The following TMEM178B variants were observed in gnomAD, a reference collection of about 807,000 sequenced individuals.
TMEM178B encodes the protein transmembrane protein 178B.
Under a neutral mutation model 31.0 loss-of-function variants are expected in TMEM178B, and 5 were observed. The observed-to-expected ratio is 0.16, with a 90% CI of 0.08 to 0.34. The LOEUF is 0.34. Ranked by LOEUF, TMEM178B falls within the 10% of genes least tolerant of loss-of-function variation. TMEM178B has a pLI of 1.00. For missense variants in TMEM178B, 275 were observed against 400.3 expected (o/e 0.69, Z 2.67); for synonymous variants, 164 against 164.0 (o/e 1.00, Z 0.00).
intron 1 of TMEM178B, among the ~76,000 whole-genome samples, chr7:141,105,671 G>A (rs1175954947): frequency 6.6e-6 from 1 of 152,138 alleles, no homozygotes; most frequent in East Asian, 1.9e-4. Flanking sequence ...AGATGTTAGG[G>A]GAAAACCTAA....
intron 1 of TMEM178B, among the ~76,000 whole-genome samples, chr7:141,096,585 G>C (rs369601269): frequency 1.3e-5 from 2 of 152,168 alleles, no homozygotes; most frequent in African/African-American, 4.8e-5. Context: ...CCATGTGGAG[G>C]TTCCTAGAAG....
chr7:141,487,098 T>G, the TMEM178B span, among the ~76,000 whole-genome samples: 1 of 152,138 alleles, frequency 6.6e-6, no homozygotes, highest in Admixed American at 6.5e-5. Flanking sequence ...TCGCTGCAAC[T>G]TCATGCCAAC....
chr7:141,213,584 A>G (rs1165981184), intron 2 of TMEM178B, among the ~76,000 whole-genome samples: 1 of 152,200 alleles, frequency 6.6e-6, no homozygotes, highest in Non-Finnish European at 1.5e-5. Context: ...GGATTCTTTT[A>G]TTCCTGACAG....
At chr7:141,489,345 G>GC in the TMEM178B span, among the ~76,000 whole-genome samples, 2 of 152,030 alleles carry the variant, frequency 1.3e-5, no homozygotes, top group African/African-American at 2.4e-5. Flanking sequence ...TTTTCATTTT[G>GC]CCCCCCTTTG....
chr7:141,502,331 A>G, the TMEM178B span, among the ~76,000 whole-genome samples: 1 of 136,428 alleles, frequency 7.3e-6, no homozygotes, highest in Non-Finnish European at 1.5e-5. Flanking sequence ...GATGGTGTCC[A>G]TAGAACAGAG....
chr7:141,197,123 G>A (rs1013240878), intron 1 of TMEM178B, among the ~76,000 whole-genome samples: 4 of 152,208 alleles, frequency 2.6e-5, no homozygotes, highest in African/African-American at 9.7e-5. Flanking sequence ...TGGTGCCATA[G>A]TATAACAATA....
At chr7:141,109,115 A>T (rs1178940932) in intron 1 of TMEM178B, among the ~76,000 whole-genome samples, 1 of 152,170 alleles carries the variant, frequency 6.6e-6, no homozygotes, top group Non-Finnish European at 1.5e-5. Flanking sequence ...CTCCCACAAC[A>T]TGTGGGAATT....
intron 2 of TMEM178B, among the ~76,000 whole-genome samples, chr7:141,290,297 G>A (rs986364553): frequency 2.6e-5 from 4 of 152,182 alleles, no homozygotes; most frequent in Non-Finnish European, 5.9e-5. Context: ...AGTGTGAATG[G>A]TCACTTAGAA....
At chr7:141,142,851 C>T (rs1246200562) in intron 1 of TMEM178B, among the ~76,000 whole-genome samples, 2 of 152,328 alleles carry the variant, frequency 1.3e-5, no homozygotes, top group East Asian at 3.9e-4. Flanking sequence ...AATGTATAAG[C>T]ATTGTCTTTT....
rs578064758 is a variant in TMEM178B at position 141,297,546 on chromosome 7, C to A, written c.496+84842C>A. Among the ~76,000 whole-genome samples the A allele has an allele frequency of 5.3e-5, 8 of 152,258 alleles. No individual in the cohort carries two copies. In the East Asian group the frequency reaches 1.5e-3, roughly 29 times the overall value. On this transcript the variant is annotated intron_variant, in intron 2 of 3. Transcript: ENST00000565468. ...AACAGGCCCCAGTGTGTGATGTTCC[C>A]CACTCTGTGTCCAAGTGTTCTCATT...
chr7:141,159,978 ATTGT>A (rs1376500478), intron 1 of TMEM178B, among the ~76,000 whole-genome samples: 1 of 148,774 alleles, frequency 6.7e-6, no homozygotes, highest in East Asian at 1.9e-4. Flanking sequence ...ATGGGGAAGC[ATTGT>A]TTATTTTATA....
chr7:141,428,387 A>AAAG (rs1563180027), intron 2 of TMEM178B, among the ~76,000 whole-genome samples: 1 of 143,958 alleles, frequency 6.9e-6, no homozygotes, highest in African/African-American at 2.7e-5. Context: ...AAAAAAAAGA[A>AAAG]AAAAAGAAAA....
At chr7:141,273,770 C>T (rs1798222784) in intron 2 of TMEM178B, among the ~76,000 whole-genome samples, 1 of 152,248 alleles carries the variant, frequency 6.6e-6, no homozygotes, top group African/African-American at 2.4e-5. Flanking sequence ...CATACAGGCA[C>T]TAGCAATGCC....
chr7:141,195,636 T>C (rs1796769978), intron 1 of TMEM178B, among the ~76,000 whole-genome samples: 1 of 152,246 alleles, frequency 6.6e-6, no homozygotes, highest in Non-Finnish European at 1.5e-5. Flanking sequence ...CTCTGCCTAT[T>C]ACCCAGTTCC....
intron 2 of TMEM178B, among the ~76,000 whole-genome samples, chr7:141,340,481 C>T (rs1162841448): frequency 6.6e-6 from 1 of 152,158 alleles, no homozygotes; most frequent in African/African-American, 2.4e-5. Context: ...AATAACATTC[C>T]ATTTAAAGAA....
chr7:141,467,128 A>C (rs1236865858), intron 3 of TMEM178B, among the ~76,000 whole-genome samples: 1 of 152,164 alleles, frequency 6.6e-6, no homozygotes, highest in African/African-American at 2.4e-5. Context: ...AACAGAAGTC[A>C]TCTTGAGGAA....
At chr7:141,460,084 A>G (rs1288832478) in intron 3 of TMEM178B, among the ~76,000 whole-genome samples, 3 of 152,224 alleles carry the variant, frequency 2.0e-5, no homozygotes, top group African/African-American at 7.2e-5. Context: ...TTGCAAAGTA[A>G]TATTAATAAG....
chr7:141,104,086 T>C (rs1021833825), intron 1 of TMEM178B, among the ~76,000 whole-genome samples: 7 of 152,226 alleles, frequency 4.6e-5, no homozygotes, highest in African/African-American at 1.7e-4. Flanking sequence ...CCAGTTATTT[T>C]AGTTGAACCT....
intron 1 of TMEM178B, among the ~76,000 whole-genome samples, chr7:141,098,544 A>C (rs55949610): frequency 0.24 from 37,137 of 152,126 alleles, 6,189 homozygotes; most frequent in African/African-American, 0.48. Flanking sequence ...TCAGCTTTAC[A>C]GTTTACTATC....
Sources: allele counts gnomAD v4.1 joint callset (sites outside exome capture counted in the v4.1 genomes callset), GRCh38; gene constraint gnomAD v4.1.1; transcripts MANE v1.5; gene names NCBI Gene and HGNC (gene_info 2026-07-23, HGNC 2026-07-21).